ARK2C: variants seen among roughly 807,000 people sequenced by gnomAD.
ARK2C encodes the protein E3 ubiquitin-protein ligase ARK2C.
the ARK2C span, among the ~76,000 whole-genome samples, chr18:46,452,064 C>G: frequency 1.3e-5 from 2 of 152,056 alleles, no homozygotes; most frequent in African/African-American, 4.8e-5. Context: ...GTATCATACT[C>G]TAACGGTGGA....
the ARK2C span, among the ~76,000 whole-genome samples, chr18:46,448,745 C>G: frequency 6.6e-6 from 1 of 152,154 alleles, no homozygotes; most frequent in Admixed American, 6.5e-5. Flanking sequence ...GTCAGGCTGG[C>G]TTTGGGGGCC....
the ARK2C span, among the ~76,000 whole-genome samples, chr18:46,350,970 G>A: frequency 6.6e-6 from 1 of 152,206 alleles, no homozygotes; most frequent in Non-Finnish European, 1.5e-5. Context: ...TGGCGTGTGT[G>A]CAGGAGGTGC....
At chr18:46,402,051 G>A in the ARK2C span, among the ~76,000 whole-genome samples, 3 of 152,208 alleles carry the variant, frequency 2.0e-5, no homozygotes, top group African/African-American at 7.2e-5. Flanking sequence ...GGTTTATGAG[G>A]CAGTCACTCC....
the ARK2C span, chr18:46,337,489 G>A: frequency 5.1e-6 from 5 of 985,258 alleles, no homozygotes; most frequent in Middle Eastern, 5.2e-4. Flanking sequence ...CGTGTAGCCC[G>A]GGCCATCTGC....
At chr18:46,365,198 G>A in the ARK2C span, among the ~76,000 whole-genome samples, 31 of 152,312 alleles carry the variant, frequency 2.0e-4, no homozygotes, top group South Asian at 1.5e-3. Flanking sequence ...TGAAGGGGAG[G>A]GGGTATGGAT....
chr18:46,374,719 G>A, the ARK2C span, among the ~76,000 whole-genome samples: 8 of 152,138 alleles, frequency 5.3e-5, no homozygotes, highest in African/African-American at 1.7e-4. Flanking sequence ...AGTCTCATAC[G>A]GAGGTCTAGT....
At chr18:46,449,655 T>C in the ARK2C span, among the ~76,000 whole-genome samples, 2 of 152,182 alleles carry the variant, frequency 1.3e-5, no homozygotes, top group Non-Finnish European at 2.9e-5. Context: ...TGAGCTCTCA[T>C]AAGATCTGAT....
At chr18:46,345,816 C>T in the ARK2C span, among the ~76,000 whole-genome samples, 1 of 152,170 alleles carries the variant, frequency 6.6e-6, no homozygotes, top group African/African-American at 2.4e-5. Flanking sequence ...CCCCGACTCC[C>T]GGGGTGGCTA....
chr18:46,447,790 C>A, the ARK2C span: 1 of 1,425,084 alleles, frequency 7.0e-7, no homozygotes, highest in Non-Finnish European at 9.9e-7. Context: ...TGGCCTGGCT[C>A]CCCTGTATCC....
At chr18:46,361,031 C>T in the ARK2C span, among the ~76,000 whole-genome samples, 1 of 152,232 alleles carries the variant, frequency 6.6e-6, no homozygotes, top group Non-Finnish European at 1.5e-5. Flanking sequence ...AGGTTTAAGA[C>T]TCCAGCTAAC....
chr18:46,364,408 A>T, the ARK2C span, among the ~76,000 whole-genome samples: 32 of 146,344 alleles, frequency 2.2e-4, no homozygotes, highest in African/African-American at 8.5e-4. Flanking sequence ...AGAAACTTAA[A>T]AAAAAAAAAA....
the ARK2C span, among the ~76,000 whole-genome samples, chr18:46,428,562 T>C: frequency 6.6e-6 from 1 of 152,160 alleles, no homozygotes; most frequent in South Asian, 2.1e-4. Context: ...TTTTTTCCTA[T>C]AGAGTTGCAC....
the ARK2C span, among the ~76,000 whole-genome samples, chr18:46,381,005 C>T: frequency 2.6e-5 from 4 of 152,210 alleles, no homozygotes; most frequent in South Asian, 2.1e-4. Flanking sequence ...AGAGTAGGAA[C>T]GCATGCCTCA....
At chr18:46,399,778 A>C in the ARK2C span, among the ~76,000 whole-genome samples, 3 of 152,210 alleles carry the variant, frequency 2.0e-5, no homozygotes, top group South Asian at 6.2e-4. Context: ...GAGCAGACTC[A>C]GAGTCTGTGC....
At chr18:46,338,728 A>G in the ARK2C span, among the ~76,000 whole-genome samples, 1 of 152,228 alleles carries the variant, frequency 6.6e-6, no homozygotes, top group Non-Finnish European at 1.5e-5. Flanking sequence ...TCAGCCCAGA[A>G]CAAGCCTTGC....
chr18:46,402,129 C>A, the ARK2C span, among the ~76,000 whole-genome samples: 1 of 152,192 alleles, frequency 6.6e-6, no homozygotes, highest in Non-Finnish European at 1.5e-5. Flanking sequence ...GCTAAATAAA[C>A]TGCATGAATT....
the ARK2C span, among the ~76,000 whole-genome samples, chr18:46,339,964 C>T: frequency 2.6e-5 from 4 of 152,180 alleles, 1 homozygote; most frequent in Non-Finnish European, 5.9e-5. Flanking sequence ...ACGGAAGCAA[C>T]AGTTCTGTGC....
At chr18:46,453,143 T>G in the ARK2C span, among the ~76,000 whole-genome samples, 1 of 152,240 alleles carries the variant, frequency 6.6e-6, no homozygotes, top group Non-Finnish European at 1.5e-5. Flanking sequence ...CTGGATTTAT[T>G]CGTAAATGAT....
chr18:46,417,527 T>C, the ARK2C span, among the ~76,000 whole-genome samples: 1 of 152,268 alleles, frequency 6.6e-6, no homozygotes, highest in African/African-American at 2.4e-5. Flanking sequence ...CCTCACCTTC[T>C]TCAGCTCTTT....
Sources: gnomAD v4.1 joint callset for allele counts (sites outside exome capture counted in the v4.1 genomes callset) on GRCh38, gnomAD v4.1.1 for gene constraint, MANE v1.5 for transcripts, NCBI Gene and HGNC (gene_info 2026-07-23, HGNC 2026-07-21) for gene names.